The following ADGRL2 variants were observed in gnomAD, a reference collection of about 807,000 sequenced individuals.
ADGRL2 encodes adhesion G protein-coupled receptor L2.
In ADGRL2, 44 loss-of-function variants were observed where a neutral mutation model predicts 157.4. That is an observed-to-expected ratio of 0.28 (90% CI 0.22 to 0.36). The LOEUF is 0.36. Among genes scored for constraint, ADGRL2 ranks in the 10% least tolerant of loss-of-function variants. The pLI is 1.00. For synonymous variants in ADGRL2, 585 were observed against 624.7 expected (o/e 0.94, Z 0.95); for missense variants, 1,510 against 1,768.9 (o/e 0.85, Z 2.63).
chr1:81,540,844 A>G (rs924173978), intron 2 of ADGRL2, among the ~76,000 whole-genome samples: 5 of 152,168 alleles, frequency 3.3e-5, no homozygotes, highest in Non-Finnish European at 7.4e-5. Flanking sequence ...AAGGAAATAA[A>G]AGAGAAAGCA....
intron 1 of ADGRL2, among the ~76,000 whole-genome samples, chr1:81,341,686 A>G (rs2100766630): frequency 6.6e-6 from 1 of 150,772 alleles, no homozygotes; most frequent in Non-Finnish European, 1.5e-5. Flanking sequence ...ATGTGACCAT[A>G]CAACCAGATG....
chr1:81,498,011 C>A (rs1384740499), intron 2 of ADGRL2, among the ~76,000 whole-genome samples: 1 of 152,056 alleles, frequency 6.6e-6, no homozygotes, highest in Non-Finnish European at 1.5e-5. Context: ...TCAAGATCAT[C>A]CTGGCTAACA....
chr1:81,674,351 G>A (rs2082938946), intron 3 of ADGRL2, among the ~76,000 whole-genome samples: 1 of 152,192 alleles, frequency 6.6e-6, no homozygotes, highest in African/African-American at 2.4e-5. Context: ...GAACTCTAAT[G>A]CACGTAGAAC....
chr1:81,555,126 G>GAGTA (rs1249267848), intron 2 of ADGRL2, among the ~76,000 whole-genome samples: 1 of 152,070 alleles, frequency 6.6e-6, no homozygotes, highest in African/African-American at 2.4e-5. Context: ...AGAGCCACAG[G>GAGTA]AGTACTGCCA....
intron 1 of ADGRL2, among the ~76,000 whole-genome samples, chr1:81,369,338 A>G (rs1228314513): frequency 6.6e-6 from 1 of 152,198 alleles, no homozygotes; most frequent in African/African-American, 2.4e-5. Flanking sequence ...CAGTCTATAT[A>G]TACATAGCTT....
intron 3 of ADGRL2, among the ~76,000 whole-genome samples, chr1:81,921,939 TAAG>T (rs2094990367): frequency 6.6e-6 from 1 of 152,162 alleles, no homozygotes; most frequent in Non-Finnish European, 1.5e-5. Context: ...TAACAACTGG[TAAG>T]AATATATTAG....
intron 2 of ADGRL2, among the ~76,000 whole-genome samples, chr1:81,499,382 G>A (rs1047192132): frequency 6.6e-6 from 1 of 152,246 alleles, no homozygotes; most frequent in African/African-American, 2.4e-5. Context: ...TATATGGTAA[G>A]GACCACACAA....
chr1:81,741,316 G>T (rs975642505), intron 1 of ADGRL2, among the ~76,000 whole-genome samples: 4 of 151,866 alleles, frequency 2.6e-5, no homozygotes, highest in Non-Finnish European at 4.4e-5. Flanking sequence ...CTTATTTTTA[G>T]AAAACCTACT....
intron 1 of ADGRL2, among the ~76,000 whole-genome samples, chr1:81,811,447 G>C (rs1315942179): frequency 6.6e-6 from 1 of 151,546 alleles, no homozygotes; most frequent in South Asian, 2.1e-4. Context: ...AGGGGCATCA[G>C]CGTTCTGCAG....
At chr1:81,959,592 G>A (rs1236251416) in intron 11 of ADGRL2, among the ~76,000 whole-genome samples, 2 of 151,978 alleles carry the variant, frequency 1.3e-5, no homozygotes, top group Non-Finnish European at 2.9e-5. Flanking sequence ...AAAGCAAATT[G>A]TAAAATCCTA....
chr1:81,638,659 G>GA (rs1378050058), intron 3 of ADGRL2, among the ~76,000 whole-genome samples: 3 of 151,988 alleles, frequency 2.0e-5, no homozygotes, highest in Admixed American at 1.3e-4. Flanking sequence ...GCAGCCACTG[G>GA]AAAAAAACTT....
intron 2 of ADGRL2, among the ~76,000 whole-genome samples, chr1:81,868,389 A>G (rs1016029900): frequency 5.9e-5 from 9 of 152,120 alleles, no homozygotes; most frequent in Non-Finnish European, 1.0e-4. Context: ...TTTGTGAAAT[A>G]TAAATTGGAT....
At chr1:81,966,228 C>T (rs1270199254) in intron 12 of ADGRL2, 45 bp downstream of exon 12, 4 of 1,610,136 alleles carry the variant, frequency 2.5e-6, no homozygotes, top group Non-Finnish European at 3.4e-6. Flanking sequence ...TGTTGTTGTT[C>T]AAAAACCTAT....
At chr1:81,931,869 A>G (rs566031511) in intron 3 of ADGRL2, among the ~76,000 whole-genome samples, 1 of 152,188 alleles carries the variant, frequency 6.6e-6, no homozygotes, top group East Asian at 1.9e-4. Context: ...CCTGGGCTCA[A>G]GAGATCCTCC....
intron 2 of ADGRL2, chr1:81,501,777 C>G: frequency 6.5e-7 from 1 of 1,543,352 alleles, no homozygotes; most frequent in Non-Finnish European, 8.7e-7. Context: ...AAAATGGAGC[C>G]ACTTCAGCAG....
At chr1:81,606,921 T>G (rs1176957983) in intron 3 of ADGRL2, among the ~76,000 whole-genome samples, 2 of 152,188 alleles carry the variant, frequency 1.3e-5, no homozygotes, top group Non-Finnish European at 2.9e-5. Context: ...ATCAAGCATT[T>G]TAGACAATGA....
rs140467385 is a variant in ADGRL2, at chr1:81,401,013, C to T, written c.-301-44023C>T. Among the ~76,000 whole-genome samples the T allele has an allele frequency of 2.2e-3, 340 of 152,260 alleles. 4 individuals are homozygous for T. The East Asian group carries it at 0.026, about 12-fold the overall frequency. ...GCCTTCTTCAACTCAGGCCCAGGAG[C>T]GTCGCTGTTCTGAACAGCTCAGGTA... On this transcript the variant is annotated intron_variant, in intron 1 of 24. Coordinates refer to the ADGRL2 transcript ENST00000370721.
At chr1:81,759,621 T>C (rs1030693172) in intron 1 of ADGRL2, among the ~76,000 whole-genome samples, 1 of 152,162 alleles carries the variant, frequency 6.6e-6, no homozygotes, top group Non-Finnish European at 1.5e-5. Flanking sequence ...TCCAACAATG[T>C]AGATGTTTAA....
chr1:81,351,775 A>G (rs932385574), intron 1 of ADGRL2, among the ~76,000 whole-genome samples: 5 of 152,206 alleles, frequency 3.3e-5, no homozygotes, highest in African/African-American at 1.2e-4. Flanking sequence ...TAGCGACTGT[A>G]CTTGCTTTTT....
Sources: allele counts gnomAD v4.1 joint callset (sites outside exome capture counted in the v4.1 genomes callset), GRCh38; gene constraint gnomAD v4.1.1; transcripts MANE v1.5; gene names NCBI Gene and HGNC (gene_info 2026-07-23, HGNC 2026-07-21).